Variants in RAB27A observed in about 807,000 individuals in gnomAD.
RAB27A encodes the protein ras-related protein Rab-27A.
RAB27A carries 17 observed loss-of-function variants against 20.8 expected under a neutral mutation model. The observed-to-expected ratio is 0.82, with a 90% CI of 0.56 to 1.23. The LOEUF is 1.23. RAB27A is among the 50% of genes most tolerant of loss of function. The pLI, the probability that RAB27A is intolerant of heterozygous loss-of-function variation, is 0.00. For missense variants in RAB27A, 277 were observed against 266.7 expected (o/e 1.04, Z -0.27); for synonymous variants, 85 against 92.8 (o/e 0.92, Z 0.48).
rs540344808 is a variant in RAB27A at position 55,304,252 on chromosome 15, T to C, written c.-112+9787A>G. ...TGCAAGATGTGCTTTGTTAAACAGA[T>C]GCTTGAAGGCAGCATGCTCGTTAAG... On this transcript the variant is annotated intron_variant, in intron 2 of 5. Transcript: ENST00000563262. Among the ~76,000 whole-genome samples the C allele has an allele frequency of 7.5e-3, 1,129 of 151,204 alleles. 11 individuals carry two copies. Among genetic ancestry groups the C allele is most frequent in the African/African-American group, 0.026 (1,059 of 40,992 alleles).
At chr15:55,303,429 G>T (rs2054983008) in intron 2 of RAB27A, among the ~76,000 whole-genome samples, 1 of 61,924 alleles carries the variant, frequency 1.6e-5, no homozygotes, top group Non-Finnish European at 2.6e-5. Context: ...CGTCCGGGAG[G>T]GAGTTGGGGT....
chr15:55,243,962 T>A lies in RAB27A; in HGVS notation c.-22-9006A>T, dbSNP rs78578012. Among the ~76,000 whole-genome samples, 133 of 152,236 alleles carry A rather than the reference T, an allele frequency of 8.7e-4. 2 individuals are homozygous for A. The East Asian group carries it at 0.024, about 27-fold the overall frequency. ...ATCAAAATTCATATCCTAAGTCACA[T>A]GTTTGACAAAGATGCAAAAGGAATA... On this transcript the variant is annotated intron_variant, in intron 2 of 6. Transcript: ENST00000336787.
chr15:55,293,688 C>T (rs1339771206), upstream of RAB27A, among the ~76,000 whole-genome samples: 4 of 151,776 alleles, frequency 2.6e-5, no homozygotes, highest in African/African-American at 9.7e-5. Flanking sequence ...GAGGCTGAGG[C>T]GGGTGGATTA....
At chr15:55,214,752 T>C (rs1895201576) in intron 6 of RAB27A, among the ~76,000 whole-genome samples, 1 of 152,174 alleles carries the variant, frequency 6.6e-6, no homozygotes, top group Admixed American at 6.5e-5. Flanking sequence ...CATGTAATAT[T>C]TGATTAACAA....
chr15:55,307,425 G>A (rs1451758913), intron 2 of RAB27A, among the ~76,000 whole-genome samples: 1 of 151,990 alleles, frequency 6.6e-6, no homozygotes, highest in Non-Finnish European at 1.5e-5. Context: ...AGCTTGTTTA[G>A]ATGTCGTTTG....
chr15:55,222,622 C>T (rs548330197), intron 6 of RAB27A, among the ~76,000 whole-genome samples: 2 of 152,150 alleles, frequency 1.3e-5, no homozygotes, highest in African/African-American at 2.4e-5. Context: ...CTATCCTCCC[C>T]CTCCCTTCCC....
chr15:55,248,145 A>C (rs1189883984), intron 2 of RAB27A, among the ~76,000 whole-genome samples: 4 of 152,078 alleles, frequency 2.6e-5, no homozygotes, highest in Non-Finnish European at 5.9e-5. Context: ...TGCCCACAGG[A>C]ATATGTTCTT....
rs894954829 is a variant in RAB27A at position 55,203,107 on chromosome 15, G to A, written c.*2400C>T. ...TAGTACTTCAATACCAAACTTAAAT[G>A]ATTTCCAAAAAGAATACAGGTTATT... On this transcript the variant is annotated 3_prime_UTR_variant, in exon 7 of 7. Transcript: ENST00000336787. The A allele has an allele frequency of 7.9e-5, 12 of 151,996 alleles. No individual in the cohort carries two copies. Among genetic ancestry groups the A allele is most frequent in the African/African-American group, 2.7e-4 (11 of 41,398 alleles). 9.4% of individuals were successfully genotyped at this position (151,996 alleles called of 1,614,324 possible). A position where few individuals can be genotyped will look rare whatever the true frequency, so the allele number is the denominator to read the frequency against.
At chr15:55,315,706 A>G (rs986581502) in intron 1 of RAB27A, among the ~76,000 whole-genome samples, 20 of 152,230 alleles carry the variant, frequency 1.3e-4, no homozygotes, top group African/African-American at 4.6e-4. Flanking sequence ...ACAATGAGAT[A>G]CCATCTCATG....
intron 2 of RAB27A, among the ~76,000 whole-genome samples, chr15:55,249,963 T>C (rs1025375992): frequency 6.6e-6 from 1 of 152,042 alleles, no homozygotes; most frequent in African/African-American, 2.4e-5. Context: ...TTTTCTATGT[T>C]TGTTTTTTGT....
At chr15:55,314,414 T>C (rs1248142722) in intron 1 of RAB27A, among the ~76,000 whole-genome samples, 1 of 152,110 alleles carries the variant, frequency 6.6e-6, no homozygotes, top group Non-Finnish European at 1.5e-5. Flanking sequence ...GTACTGGAAG[T>C]ACTGGCCAGG....
intron 6 of RAB27A, among the ~76,000 whole-genome samples, chr15:55,219,182 C>G (rs1895451297): frequency 6.6e-6 from 1 of 152,164 alleles, no homozygotes; most frequent in Non-Finnish European, 1.5e-5. Flanking sequence ...GAGTGAAGCC[C>G]TTGTCTGCTC....
At chr15:55,236,051 T>C (rs973898223) in intron 2 of RAB27A, among the ~76,000 whole-genome samples, 1 of 151,790 alleles carries the variant, frequency 6.6e-6, no homozygotes, top group Non-Finnish European at 1.5e-5. Flanking sequence ...AGACTACAGA[T>C]TGAATACAGT....
At chr15:55,291,718 C>T (rs930407444), upstream of RAB27A, among the ~76,000 whole-genome samples, 1 of 151,986 alleles carries the variant, frequency 6.6e-6, no homozygotes, top group Non-Finnish European at 1.5e-5. Context: ...CAGGAGTATA[C>T]CAGACAGGAG....
intron 1 of RAB27A, among the ~76,000 whole-genome samples, chr15:55,271,598 C>T (rs746003431): frequency 4.6e-5 from 7 of 152,234 alleles, no homozygotes; most frequent in Non-Finnish European, 7.3e-5. Flanking sequence ...GAAATGGTCA[C>T]CCCTGTATGC....
At chr15:55,207,940 GCCA>G (rs1372377086) in intron 6 of RAB27A, among the ~76,000 whole-genome samples, 1 of 152,164 alleles carries the variant, frequency 6.6e-6, no homozygotes, top group Non-Finnish European at 1.5e-5. Context: ...ACAGGCATGA[GCCA>G]CCACACCTGG....
At chr15:55,317,208 G>T (rs776080615) in intron 1 of RAB27A, 5 of 152,186 alleles carry the variant, frequency 3.3e-5, no homozygotes, top group African/African-American at 7.2e-5. Context: ...CATTATCCAT[G>T]ATTTATTTTT....
chr15:55,248,926 C>T (rs1317420305), intron 2 of RAB27A: 1 of 152,038 alleles, frequency 6.6e-6, no homozygotes, highest in Non-Finnish European at 1.5e-5. Flanking sequence ...TATTCTTTAA[C>T]TGAACCAAAA....
At chr15:55,275,634 G>A (rs1484994607) in intron 1 of RAB27A, among the ~76,000 whole-genome samples, 2 of 150,438 alleles carry the variant, frequency 1.3e-5, no homozygotes, top group African/African-American at 4.9e-5. Flanking sequence ...CAAAAAAAAA[G>A]AAAGAAAGAA....
Sources: allele counts gnomAD v4.1 joint callset (sites outside exome capture counted in the v4.1 genomes callset), GRCh38; gene constraint gnomAD v4.1.1; transcripts MANE v1.5; gene names NCBI Gene and HGNC (gene_info 2026-07-23, HGNC 2026-07-21).